The following CPED1 variants were observed in gnomAD, a reference collection of about 807,000 sequenced individuals.
CPED1 encodes cadherin like and PC-esterase domain containing 1.
Under a neutral mutation model 128.2 loss-of-function variants are expected in CPED1, and 114 were observed. The observed-to-expected ratio is 0.89, with a 90% CI of 0.76 to 1.04. CPED1 has a LOEUF of 1.04. Among genes scored for constraint, CPED1 ranks in the 50% least tolerant of loss-of-function variants. The pLI is 0.00. For missense variants in CPED1, 1,211 were observed against 1,207.1 expected (o/e 1.00, Z -0.05); for synonymous variants, 462 against 426.7 (o/e 1.08, Z -1.02).
At chr7:121,057,105 G>A (rs1480695823) in intron 4 of CPED1, among the ~76,000 whole-genome samples, 1 of 151,932 alleles carries the variant, frequency 6.6e-6, no homozygotes, top group Admixed American at 6.6e-5. Context: ...AGCCTCCTGA[G>A]AATCTGGGAG....
At chr7:121,073,542 C>G (rs1234744854) in intron 5 of CPED1, among the ~76,000 whole-genome samples, 2 of 152,112 alleles carry the variant, frequency 1.3e-5, no homozygotes, top group Non-Finnish European at 2.9e-5. Flanking sequence ...GCTTCAGTGC[C>G]CATATCGTAG....
chr7:121,221,895 A>C (rs996374736), intron 16 of CPED1, among the ~76,000 whole-genome samples: 1 of 152,150 alleles, frequency 6.6e-6, no homozygotes, highest in African/African-American at 2.4e-5. Context: ...ATTTTCTCCC[A>C]TTCTGTAGAT....
At chr7:121,281,796 A>G (rs1027291589) in intron 22 of CPED1, among the ~76,000 whole-genome samples, 1 of 152,166 alleles carries the variant, frequency 6.6e-6, no homozygotes, top group African/African-American at 2.4e-5. Context: ...ATGTAACTTA[A>G]TCAAATGTGA....
At chr7:121,160,970 A>T (rs1181928321) in intron 16 of CPED1, among the ~76,000 whole-genome samples, 1 of 152,044 alleles carries the variant, frequency 6.6e-6, no homozygotes, top group East Asian at 1.9e-4. Context: ...CCCCCAAAAG[A>T]TTTATTTTGC....
At chr7:120,996,571 C>G (rs1005322477) in intron 2 of CPED1, among the ~76,000 whole-genome samples, 2 of 152,072 alleles carry the variant, frequency 1.3e-5, no homozygotes, top group African/African-American at 2.4e-5. Context: ...CATGGTGCTC[C>G]TTTTTTAGCT....
At position 121,051,702 on chromosome 7, in the gene CPED1, T is replaced by C. The variant is rs140555036; in HGVS notation, c.540+4709T>C. ...CACTCTGTAAGATCTGTGGTTGTGGTAGTCCTGTTTTCCTAATAACGTTGT... is the reference window on the plus strand; with the variant it reads ...CACTCTGTAAGATCTGTGGTTGTGGCAGTCCTGTTTTCCTAATAACGTTGT... On this transcript the variant is annotated intron_variant, in intron 4 of 22. Transcript: ENST00000310396. 3.3e-3 allele frequency: 913 copies of C among 272,882 alleles called. 11 individuals are homozygous for C. The Middle Eastern group carries it at 0.043, about 13-fold the overall frequency. The allele number at this position is 272,882 out of a possible 1,614,324, so 16.9% of individuals were successfully genotyped here.
intron 4 of CPED1, among the ~76,000 whole-genome samples, chr7:121,056,793 C>T (rs1316536671): frequency 6.6e-6 from 1 of 152,090 alleles, no homozygotes; most frequent in Admixed American, 6.6e-5. Context: ...AAAATTCATA[C>T]ATCATGTTTG....
intron 3 of CPED1, among the ~76,000 whole-genome samples, chr7:121,030,473 G>T (rs1173021918): frequency 6.6e-6 from 1 of 152,146 alleles, no homozygotes; most frequent in Admixed American, 6.6e-5. Context: ...GTCTAACTCT[G>T]TTCTGCCCCA....
intron 3 of CPED1, among the ~76,000 whole-genome samples, chr7:121,020,638 T>C (rs1792416423): frequency 6.6e-6 from 1 of 151,912 alleles, no homozygotes; most frequent in Non-Finnish European, 1.5e-5. Flanking sequence ...CAATAAAATA[T>C]ATAATAACAA....
chr7:121,185,486 AT>A (rs1796983067), intron 16 of CPED1, among the ~76,000 whole-genome samples: 1 of 152,154 alleles, frequency 6.6e-6, no homozygotes, highest in Non-Finnish European at 1.5e-5. Context: ...AATGCACAAT[AT>A]ACAAAACTTG....
At chr7:121,156,253 A>G (rs1164246324) in intron 16 of CPED1, among the ~76,000 whole-genome samples, 2 of 152,172 alleles carry the variant, frequency 1.3e-5, no homozygotes, top group Non-Finnish European at 2.9e-5. Flanking sequence ...TGTAAATTAG[A>G]ACAGCCGCTA....
intron 7 of CPED1, among the ~76,000 whole-genome samples, chr7:121,121,444 T>G (rs1184344752): frequency 6.6e-6 from 1 of 152,184 alleles, no homozygotes; most frequent in Non-Finnish European, 1.5e-5. Context: ...ATGAGGTCAT[T>G]TTCTATATAA....
At chr7:121,245,907 G>C (rs904826814) in intron 18 of CPED1, among the ~76,000 whole-genome samples, 1 of 151,974 alleles carries the variant, frequency 6.6e-6, no homozygotes, top group Non-Finnish European at 1.5e-5. Context: ...GGCCAGGGCT[G>C]GTCTCGAACT....
chr7:121,095,710 C>T (rs1018151768), intron 5 of CPED1, among the ~76,000 whole-genome samples: 11 of 152,072 alleles, frequency 7.2e-5, no homozygotes, highest in African/African-American at 2.7e-4. Flanking sequence ...TATAGCTCCA[C>T]TTGAGCTAAA....
chr7:121,117,897 G>T (rs148969273), intron 7 of CPED1, among the ~76,000 whole-genome samples: 1 of 147,588 alleles, frequency 6.8e-6, no homozygotes, highest in Non-Finnish European at 1.5e-5. Context: ...TATAATGATG[G>T]TTACTCAAAG....
chr7:121,048,269 C>T (rs1366214779), intron 4 of CPED1, among the ~76,000 whole-genome samples: 2 of 152,312 alleles, frequency 1.3e-5, no homozygotes, highest in East Asian at 3.9e-4. Flanking sequence ...ACATATCAAA[C>T]TCAACCTGGC....
chr7:121,004,817 G>T (rs1193344916), intron 2 of CPED1, among the ~76,000 whole-genome samples: 1 of 152,130 alleles, frequency 6.6e-6, no homozygotes, highest in Non-Finnish European at 1.5e-5. Flanking sequence ...CCTAATGTGT[G>T]AATTTATTTA....
chr7:121,015,049 A>G (rs1792264138), intron 2 of CPED1, among the ~76,000 whole-genome samples: 1 of 152,220 alleles, frequency 6.6e-6, no homozygotes, highest in Non-Finnish European at 1.5e-5. Flanking sequence ...AGAGCAATAA[A>G]CTATTGAGGG....
chr7:121,244,289 A>G lies in CPED1; in HGVS notation c.2261A>G (p.Tyr754Cys), dbSNP rs995072143. Reference sequence around the variant, plus strand: ...ACCTGGCAGCCCCACAACTGCCAATATGGTGTCCTAACTAAGCCTCAACTC... The same window carrying G: ...ACCTGGCAGCCCCACAACTGCCAATGTGGTGTCCTAACTAAGCCTCAACTC... ...EITWQPHNCQ[Y>C]GVLTKPQLQQ... Residue 754 changes from tyrosine to cysteine, a missense_variant, in exon 18 of 23, where the codon TAT (tyrosine) becomes TGT (cysteine). Transcript: ENST00000310396. 27 of 1,613,998 alleles carry G rather than the reference A, an allele frequency of 1.7e-5. No individual in the cohort carries two copies. Among genetic ancestry groups the G allele is most frequent in the Non-Finnish European group, 2.2e-5 (26 of 1,179,980 alleles).
Sources: gnomAD v4.1 joint callset for allele counts (sites outside exome capture counted in the v4.1 genomes callset) on GRCh38, gnomAD v4.1.1 for gene constraint, MANE v1.5 for transcripts, NCBI Gene and HGNC (gene_info 2026-07-23, HGNC 2026-07-21) for gene names.